The following TMPRSS11A variants were observed in gnomAD, a reference collection of about 807,000 sequenced individuals.
The protein encoded by TMPRSS11A is transmembrane serine protease 11A, also known as transmembrane protease serine 11A.
A neutral mutation model predicts 58.9 loss-of-function variants in TMPRSS11A; 53 were observed. That is an observed-to-expected ratio of 0.90 (90% CI 0.72 to 1.13). The LOEUF (loss-of-function observed/expected upper bound fraction) is 1.13. Ranked by LOEUF, TMPRSS11A falls within the 50% of genes most tolerant of loss-of-function variation. TMPRSS11A has a pLI of 0.00. For missense variants in TMPRSS11A, 493 were observed against 499.3 expected, an observed-to-expected ratio of 0.99 and a Z score of 0.12; for synonymous variants, 167 against 169.8, an observed-to-expected ratio of 0.98 and a Z score of 0.13.
chr4:67,952,315 G>A (rs781364299), intron 1 of TMPRSS11A, among the ~76,000 whole-genome samples: 9 of 152,102 alleles, frequency 5.9e-5, no homozygotes, highest in Non-Finnish European at 1.2e-4. Flanking sequence ...ATGTCAAACT[G>A]CCCTTGAGAA....
At chr4:67,961,077 A>G (rs1440706742) in intron 1 of TMPRSS11A, among the ~76,000 whole-genome samples, 1 of 152,210 alleles carries the variant, frequency 6.6e-6, no homozygotes, top group African/African-American at 2.4e-5. Context: ...TCACACCAAA[A>G]CAGAAAGAAT....
intron 1 of TMPRSS11A, among the ~76,000 whole-genome samples, chr4:67,961,946 T>C (rs1721440007): frequency 6.6e-6 from 1 of 152,154 alleles, no homozygotes; most frequent in South Asian, 2.1e-4. Context: ...AGGACACTTT[T>C]GGTGCCCATA....
At chr4:67,945,803 C>T (rs1720990056) in intron 2 of TMPRSS11A, among the ~76,000 whole-genome samples, 2 of 152,092 alleles carry the variant, frequency 1.3e-5, no homozygotes, top group South Asian at 4.2e-4. Context: ...GCATTCTCCC[C>T]AGAAAGAGAC....
Position 67,909,770 on chromosome 4 carries a change from T to A in TMPRSS11A, c.*1572A>T, listed in dbSNP as rs1054039834. 3.3e-5 allele frequency: 5 copies of A among 152,068 alleles called. No homozygotes were observed. Among genetic ancestry groups the A allele is most frequent in the Non-Finnish European group, 5.9e-5 (4 of 67,958 alleles). The allele number at this position is 152,068 out of a possible 1,614,324, so 9.4% of individuals were successfully genotyped here. A position where few individuals can be genotyped will look rare whatever the true frequency, so the allele number is the denominator to read the frequency against. Reference sequence around the variant, plus strand: ...TGATTCAATAAAAATAGTTAAGAATTCAATAAAAATAGTTAAGAATATACT... The same window carrying A: ...TGATTCAATAAAAATAGTTAAGAATACAATAAAAATAGTTAAGAATATACT... On this transcript the variant is annotated 3_prime_UTR_variant, in exon 10 of 10. Transcript: ENST00000508048.
intron 5 of TMPRSS11A, among the ~76,000 whole-genome samples, chr4:67,926,228 G>GTT (rs71669186): frequency 5.6e-4 from 85 of 151,240 alleles, no homozygotes; most frequent in East Asian, 2.1e-3. Context: ...ACACCACACA[G>GTT]TTTTTTTTTG....
At chr4:67,919,281 T>C (rs553297238) in intron 7 of TMPRSS11A, 49 bp from the exon 8 acceptor site, 35 of 1,548,926 alleles carry the variant, frequency 2.3e-5, no homozygotes, top group Non-Finnish European at 2.9e-5. Context: ...GCCCAAAGTA[T>C]ATGAGCTAGA....
chr4:67,940,058 C>A (rs1292815364), intron 3 of TMPRSS11A, among the ~76,000 whole-genome samples: 2 of 152,084 alleles, frequency 1.3e-5, no homozygotes, highest in Admixed American at 6.6e-5. Flanking sequence ...ATATGTTGAA[C>A]CAGTCTTGCA....
intron 3 of TMPRSS11A, among the ~76,000 whole-genome samples, chr4:67,937,699 TTGC>T (rs1481327180): frequency 1.3e-5 from 2 of 152,170 alleles, no homozygotes; most frequent in African/African-American, 4.8e-5. Flanking sequence ...TACATCCATG[TTGC>T]TGCAAAGGAC....
rs1271953556 is a variant in TMPRSS11A, at chr4:67,919,015, A to G, written c.910T>C (p.Leu304=). The G allele has an allele frequency of 6.2e-7, 1 of 1,614,172 alleles. No individual in the cohort carries two copies. Among genetic ancestry groups the G allele is most frequent in the African/African-American group, 1.3e-5 (1 of 75,042 alleles). ...PEASASFQPN[L]TVHITGFGAL... is the part of the protein sequence containing the mutation. Reference sequence around the variant, plus strand: ...CCAAATCCTGTGATGTGGACAGTCAAATTTGGTTGGAAGGATGCAGAGGCT... The same window carrying G: ...CCAAATCCTGTGATGTGGACAGTCAGATTTGGTTGGAAGGATGCAGAGGCT... Residue 304 remains leucine, a synonymous_variant, in exon 8 of 10, where the codon TTG becomes CTG. Transcript: ENST00000508048.
chr4:67,931,293 T>A (rs183927886), intron 4 of TMPRSS11A, among the ~76,000 whole-genome samples: 8 of 152,254 alleles, frequency 5.3e-5, no homozygotes, highest in Admixed American at 5.2e-4. Flanking sequence ...AGTCTATTGG[T>A]GAGAAAGGGA....
chr4:67,931,648 C>A (rs777765876), intron 4 of TMPRSS11A, among the ~76,000 whole-genome samples: 1 of 152,294 alleles, frequency 6.6e-6, no homozygotes, highest in African/African-American at 2.4e-5. Flanking sequence ...CATAATATAA[C>A]TTGGTGCATG....
chr4:67,953,091 A>G (rs1721203316), intron 1 of TMPRSS11A, among the ~76,000 whole-genome samples: 3 of 152,140 alleles, frequency 2.0e-5, no homozygotes, highest in Non-Finnish European at 4.4e-5. Context: ...TGCAGTTTAC[A>G]ATAGGGTTCA....
At chr4:67,915,954 C>T (rs549772560) in intron 8 of TMPRSS11A, among the ~76,000 whole-genome samples, 3 of 152,182 alleles carry the variant, frequency 2.0e-5, no homozygotes, top group Non-Finnish European at 4.4e-5. Context: ...TACGATATAT[C>T]ATCAGCTATA....
In TMPRSS11A at chr4:67,909,455, C is replaced by T. The variant is rs542994712; in HGVS notation, c.*1887G>A. ...CATATCAATATCTGCTTACATGTGA[C>T]CCAAAATGAAATGCTGCACCAAATA... is the stretch of plus-strand genomic sequence containing the variant. On this transcript the variant is annotated 3_prime_UTR_variant, in exon 10 of 10. Coordinates refer to ENST00000508048, the MANE Select transcript of TMPRSS11A (RefSeq NM_001114387.2). 6 of 152,170 alleles carry T rather than the reference C, an allele frequency of 3.9e-5. No homozygotes were observed. The South Asian group carries it at 8.3e-4, about 21-fold the overall frequency. 9.4% of individuals were successfully genotyped at this position (152,170 alleles called of 1,614,324 possible).
chr4:67,933,196 C>T (rs1025915642), intron 3 of TMPRSS11A, among the ~76,000 whole-genome samples: 1 of 152,060 alleles, frequency 6.6e-6, no homozygotes, highest in Non-Finnish European at 1.5e-5. Flanking sequence ...CTCAGGAATT[C>T]ATAAATACCT....
chr4:67,930,643 C>T lies in TMPRSS11A; in HGVS notation c.321-603G>A, dbSNP rs181065769. On this transcript the variant is annotated intron_variant, in intron 4 of 9. Coordinates refer to ENST00000508048, the MANE Select transcript of TMPRSS11A (RefSeq NM_001114387.2). ...GTCCCCGAGTCTTCTCCAAATTAAA[C>T]ATGCCCAATTTCTTGAACTTTGATC... is the stretch of plus-strand genomic sequence containing the variant. Among the ~76,000 whole-genome samples, 70 of 151,844 alleles carry T rather than the reference C, an allele frequency of 4.6e-4. No individual in the cohort carries two copies. In the East Asian group the frequency reaches 0.013, roughly 28 times the overall value.
At chr4:67,952,593 A>T (rs1043775252) in intron 1 of TMPRSS11A, among the ~76,000 whole-genome samples, 1 of 152,202 alleles carries the variant, frequency 6.6e-6, no homozygotes, top group African/African-American at 2.4e-5. Context: ...AGAGGTTCCC[A>T]TAATGGTGGC....
chr4:67,963,268 G>T, intron 1 of TMPRSS11A, 115 bp downstream of exon 1: 1 of 939,738 alleles, frequency 1.1e-6, no homozygotes, highest in Non-Finnish European at 1.6e-6. Context: ...AAAAAATCCA[G>T]TGCAGATTGA....
intron 1 of TMPRSS11A, among the ~76,000 whole-genome samples, chr4:67,960,330 T>C (rs1721394300): frequency 1.3e-5 from 2 of 152,184 alleles, no homozygotes; most frequent in Non-Finnish European, 2.9e-5. Context: ...ATTCTTCTCT[T>C]AGAAATTACT....
Sources: gnomAD v4.1 joint callset for allele counts (sites outside exome capture counted in the v4.1 genomes callset) on GRCh38, gnomAD v4.1.1 for gene constraint, MANE v1.5 for transcripts, NCBI Gene and HGNC (gene_info 2026-07-23, HGNC 2026-07-21) for gene names.